LTBP3: variants seen among roughly 807,000 people sequenced by gnomAD.
LTBP3 encodes latent transforming growth factor beta binding protein 3.
Under a neutral mutation model 159.7 loss-of-function variants are expected in LTBP3, and 97 were observed. The observed-to-expected ratio is 0.61, with a 90% CI of 0.52 to 0.72. LTBP3 has a LOEUF of 0.72. LTBP3 is among the 30% of genes least tolerant of loss of function. The pLI is 0.00. For synonymous variants in LTBP3, 824 were observed against 777.1 expected (o/e 1.06, Z -1.00); for missense variants, 1,584 against 1,864.3 (o/e 0.85, Z 2.77).
rs749413835 is a variant in LTBP3 at position 65,546,478 on chromosome 11, C to T, written c.2317G>A (p.Gly773Ser). 2 of 1,592,362 alleles carry T rather than the reference C, an allele frequency of 1.3e-6. No individual in the cohort carries two copies. Among genetic ancestry groups the T allele is most frequent in the Non-Finnish European group, 1.7e-6 (2 of 1,176,566 alleles). Residue 773 changes from glycine to serine, a missense_variant, in exon 16 of 28, where the codon GGC becomes AGC. Physicochemically the swap from Gly to Ser is moderately conservative, Grantham distance 56. This residue lies in a region of LTBP3 where 565 missense variants were observed against 677.7 expected (regional missense o/e 0.83). Coordinates refer to ENST00000301873, the MANE Select transcript of LTBP3 (RefSeq NM_001130144.3). The surrounding 1 kb of genome is among the most constrained non-coding windows in gnomAD (Gnocchi z 4.0). Reference sequence around the variant, plus strand: ...CGGCCGTCGGGCGCGGGCGCGTAGCCCTGGGCACAGGTGCAGCGGAAGGAG... The same window carrying T: ...CGGCCGTCGGGCGCGGGCGCGTAGCTCTGGGCACAGGTGCAGCGGAAGGAG... Reference protein sequence around the residue: ...PGSFRCTCAQGYAPAPDGRSC... With the variant: ...PGSFRCTCAQSYAPAPDGRSC...
intron 1 of LTBP3, among the ~76,000 whole-genome samples, chr11:65,555,081 C>A (rs536091889): frequency 2.0e-5 from 3 of 152,254 alleles, no homozygotes; most frequent in South Asian, 4.1e-4. Context: ...CGGCTCCGTC[C>A]CTCCTGCTCT....
rs1394963360 is a variant in LTBP3 at position 65,551,432 on chromosome 11, C to T, written c.1591G>A (p.Ala531Thr). The T allele has an allele frequency of 6.2e-7, 1 of 1,613,700 alleles. No individual in the cohort carries two copies. Among genetic ancestry groups the T allele is most frequent in the Non-Finnish European group, 8.5e-7 (1 of 1,179,992 alleles). Residue 531 changes from alanine (A) to threonine (T), a missense_variant, in exon 10 of 28, where the codon GCC becomes ACC. This residue lies in a region of LTBP3 where 565 missense variants were observed against 677.7 expected (regional missense o/e 0.83). Transcript: ENST00000301873. ...ERSVQQSHPT[A>T]TTTPARPYPE... ...TAGGGCCGGGCAGGAGTCGTGGTGG[C>T]AGTTGGGTGGCTCTGCTGCACTGAC... is the stretch of plus-strand genomic sequence containing the variant.
Position 65,553,073 on chromosome 11 carries a change from ACCT to A in LTBP3, c.1063+88_1063+90del. On this transcript the variant is annotated intron_variant, in intron 5 of 27. Transcript: ENST00000301873. The surrounding 1 kb of genome is among the most constrained non-coding windows in gnomAD (Gnocchi z 6.5). ...AACCTCAGGGTCTTGCCCCAGCCCCACCTCCTCTCTCGCCCACCTTGGGACCCT... is the reference window on the plus strand; with the variant it reads ...AACCTCAGGGTCTTGCCCCAGCCCCACCTCTCTCGCCCACCTTGGGACCCT... 1 of 1,606,254 alleles carries A rather than the reference ACCT, an allele frequency of 6.2e-7. No homozygotes were observed. Among genetic ancestry groups the A allele is most frequent in the Non-Finnish European group, 8.5e-7 (1 of 1,173,972 alleles).
At chr11:65,543,067 G>A in intron 18 of LTBP3, 38 bp downstream of exon 18, 1 of 1,612,234 alleles carries the variant, frequency 6.2e-7, no homozygotes, top group Non-Finnish European at 8.5e-7. Context: ...ACTGCTCCCT[G>A]CCACATCCCT....
In LTBP3 at chr11:65,554,079, G is replaced by C; in HGVS notation, c.633C>G (p.Pro211=). ...CTGCTGAGATCTGTCCCGGGCCTAG[G>C]GGCACCAGGAAGGCTGCGTGCTGGG... ...PPAQHAAFLV[P]LGPGQISAEV... Residue 211 remains proline (P), a synonymous_variant, in exon 2 of 28, where the codon CCC becomes CCG. Transcript: ENST00000301873. This position sits in a 1 kb window ranked among gnomAD's most constrained non-coding sequence, Gnocchi z 5.3. 1 of 1,606,676 alleles carries C rather than the reference G, an allele frequency of 6.2e-7. No individual in the cohort carries two copies. Among genetic ancestry groups the C allele is most frequent in the Non-Finnish European group, 8.5e-7 (1 of 1,179,458 alleles).
intron 18 of LTBP3, chr11:65,542,755 C>G (rs1856196707): frequency 2.9e-6 from 1 of 348,426 alleles, no homozygotes; most frequent in African/African-American, 2.1e-5. Flanking sequence ...ATGGGGAAGA[C>G]CAATACATTA....
At chr11:65,542,985 G>C in intron 18 of LTBP3, 120 bp downstream of exon 18, 2 of 1,269,572 alleles carry the variant, frequency 1.6e-6, no homozygotes, top group South Asian at 1.2e-5. Context: ...TAGATGGATG[G>C]ATGGATGGAT....
intron 11 of LTBP3, 149 bp downstream of exon 11, chr11:65,550,977 C>G (rs1856587190): frequency 2.1e-5 from 15 of 706,144 alleles, no homozygotes; most frequent in Non-Finnish European, 3.8e-5. Flanking sequence ...GCAGTGGGAT[C>G]TCTGGTGCTC....
In LTBP3 at chr11:65,546,403, G is replaced by C. The variant is rs1335559033; in HGVS notation, c.2353+39C>G. On this transcript the variant is annotated intron_variant, in intron 16 of 27. Coordinates refer to ENST00000301873, the MANE Select transcript of LTBP3 (RefSeq NM_001130144.3). The surrounding 1 kb of genome is among the most constrained non-coding windows in gnomAD (Gnocchi z 4.0). Reference sequence around the variant, plus strand: ...CCCGCTCCCCGGCTTCAGCGCGTAGGGGGCGGCGGAGGCCCGGGGCGGGGG... The same window carrying C: ...CCCGCTCCCCGGCTTCAGCGCGTAGCGGGCGGCGGAGGCCCGGGGCGGGGG... 18 of 1,506,008 alleles carry C rather than the reference G, an allele frequency of 1.2e-5. No individual in the cohort carries two copies. Among genetic ancestry groups the C allele is most frequent in the Non-Finnish European group, 1.4e-5 (16 of 1,133,578 alleles). The allele number at this position is 1,506,008 out of a possible 1,614,324, so 93.3% of individuals were successfully genotyped here.
intron 20 of LTBP3, 29 bp from the exon 21 acceptor site, chr11:65,540,983 GA>G: frequency 6.2e-7 from 1 of 1,606,260 alleles, no homozygotes; most frequent in Non-Finnish European, 8.5e-7. Flanking sequence ...CGTGGGGAGG[GA>G]AGAGGCAGGA....
chr11:65,538,668 T>A lies in LTBP3; in HGVS notation c.*412A>T, dbSNP rs1855868263. ...GCCGGCCCAGCCAGGCCATCTCACG[T>A]GTACATAATCAGAGCCACAATAAAT... is the stretch of plus-strand genomic sequence containing the variant. On this transcript the variant is annotated 3_prime_UTR_variant, in exon 28 of 28. Coordinates refer to ENST00000301873, the MANE Select transcript of LTBP3 (RefSeq NM_001130144.3). 7 of 1,348,196 alleles carry A rather than the reference T, an allele frequency of 5.2e-6. No homozygotes were observed. In the South Asian group the frequency reaches 7.1e-5, roughly 14 times the overall value. 83.5% of individuals were successfully genotyped at this position (1,348,196 alleles called of 1,614,324 possible).
rs1856252917 is a variant in LTBP3, at chr11:65,543,717, G to C, written c.2354-168C>G. ...TGGCACACAGTGCCCTGACGACCAG[G>C]TCAGGTGCTGCCAGGGTCCCTAGGC... On this transcript the variant is annotated intron_variant, in intron 16 of 27. Transcript: ENST00000301873. The C allele has an allele frequency of 4.4e-5, 37 of 835,238 alleles. No individual in the cohort carries two copies. The South Asian group carries it at 4.9e-4, about 11-fold the overall frequency. The allele number at this position is 835,238 out of a possible 1,614,324, so 51.7% of individuals were successfully genotyped here.
Position 65,553,466 on chromosome 11 carries a change from G to C in LTBP3, c.929C>G (p.Ala310Gly), listed in dbSNP as rs916279110. The C allele has an allele frequency of 6.2e-7, 1 of 1,612,566 alleles. No individual in the cohort carries two copies. The highest frequency in any genetic ancestry group is 8.5e-7 in the Non-Finnish European group (1 of 1,179,916). The stretch of plus-strand genomic sequence containing the variant: ...CTTGTGGCACTTGCTCTGGCCCCAG[G>C]CAGTGCCGATGCTACCGCAGCAGTC... ...QEDCCGSIGT[A>G]WGQSKCHKCP... The change falls in exon 4 of 28, where the codon GCC becomes GGC. Residue 310 changes from alanine to glycine, a missense_variant. Ala to Gly is a moderately conservative substitution (Grantham distance 60). Transcript: ENST00000301873. The surrounding 1 kb of genome is among the most constrained non-coding windows in gnomAD (Gnocchi z 6.5).
Position 65,551,201 on chromosome 11 carries a change from G to C in LTBP3, c.1645C>G (p.Pro549Ala), listed in dbSNP as rs145060640. Residue 549 changes from proline (P) to alanine (A), a missense_variant, in exon 11 of 28, where the codon CCG (proline) becomes GCG (alanine). Physicochemically the swap from Pro to Ala is conservative, Grantham distance 27. This residue lies in a region of LTBP3 where 565 missense variants were observed against 677.7 expected (regional missense o/e 0.83). Coordinates refer to ENST00000301873, the MANE Select transcript of LTBP3 (RefSeq NM_001130144.3). ...TCCGGCAGGAACCAGCGCATGGTCG[G>C]GGGCGAGGGACGGGAGATCAGCTCT... Reference protein sequence around the residue: ...YPELISRPSPPTMRWFLPDLP... With the variant: ...YPELISRPSPATMRWFLPDLP... 5.3e-5 allele frequency: 82 copies of C among 1,549,568 alleles called. No homozygotes were observed. The highest frequency in any genetic ancestry group is 7.1e-5 in the Non-Finnish European group (81 of 1,147,766).
chr11:65,552,081 G>T lies in LTBP3; in HGVS notation c.1422C>A (p.Gly474=). The change falls in exon 8 of 28, where the codon GGC becomes GGA. Residue 474 remains glycine, a synonymous_variant. Transcript: ENST00000301873. This position sits in a 1 kb window ranked among gnomAD's most constrained non-coding sequence, Gnocchi z 6.0. ...GCAGGAAAAGGGAAAAGTCACTCTC[G>T]CCCTGAATGGTGAGCGTCTGGTGGG... ...LTSHQTLTIQ[G]ESDFSLFLHP... 1.2e-6 allele frequency: 2 copies of T among 1,614,146 alleles called. No homozygotes were observed. Among genetic ancestry groups the T allele is most frequent in the Non-Finnish European group, 1.7e-6 (2 of 1,180,012 alleles).
Position 65,539,869 on chromosome 11 carries a change from T to A in LTBP3, c.3398A>T (p.Glu1133Val). ...CTGGCTCCAGCACACGTCGCGCCGC[T>A]CCGGGGCACGCTCTGCGGAAGACAC... Reference protein sequence around the residue: ...LPESPAERAPERRDVCWSQRG... With the variant: ...LPESPAERAPVRRDVCWSQRG... Residue 1133 changes from glutamate to valine, a missense_variant, in exon 25 of 28, where the codon GAG (glutamate) becomes GTG (valine). Coordinates refer to ENST00000301873, the MANE Select transcript of LTBP3 (RefSeq NM_001130144.3). 6.6e-6 allele frequency: 10 copies of A among 1,514,714 alleles called. No homozygotes were observed. The highest frequency in any genetic ancestry group is 7.0e-6 in the Non-Finnish European group (8 of 1,138,792). 93.8% of individuals were successfully genotyped at this position (1,514,714 alleles called of 1,614,324 possible).
chr11:65,552,100 T>C lies in LTBP3; in HGVS notation c.1403A>G (p.Gln468Arg), dbSNP rs1856633169. The C allele has an allele frequency of 3.1e-6, 5 of 1,614,098 alleles. No individual in the cohort carries two copies. The highest frequency in any genetic ancestry group is 1.7e-5 in the Admixed American group (1 of 60,016). Residue 468 changes from glutamine to arginine, a missense_variant, in exon 8 of 28, where the codon CAG (glutamine) becomes CGG (arginine). Gln to Arg is a conservative substitution (Grantham distance 43). Around this residue, in one of 6 missense-constraint regions of LTBP3, gnomAD observed 156 missense variants for 259.7 expected, o/e 0.60. Coordinates refer to ENST00000301873, the MANE Select transcript of LTBP3 (RefSeq NM_001130144.3). This position sits in a 1 kb window ranked among gnomAD's most constrained non-coding sequence, Gnocchi z 6.0. ...ACTCTCGCCCTGAATGGTGAGCGTC[T>C]GGTGGGAGGTGAGAATGTGGTATCC... The part of the protein sequence containing the change: ...GKGYHILTSH[Q>R]TLTIQGESDF...
chr11:65,539,215 T>C lies in LTBP3; in HGVS notation c.3777A>G (p.Arg1259=). 6.6e-7 allele frequency: 1 copy of C among 1,526,656 alleles called. No individual in the cohort carries two copies. The highest frequency in any genetic ancestry group is 8.8e-7 in the Non-Finnish European group (1 of 1,133,080). 94.6% of individuals were successfully genotyped at this position (1,526,656 alleles called of 1,614,324 possible). ...ACAGCAGCCCGCGCTGGTTCAGCTC[T>C]CGGCACTCGTCGATATCTGAAGGTG... The part of the protein sequence containing the change: ...RARCVDIDEC[R]ELNQRGLLCK... The change falls in exon 28 of 28, where the codon CGA becomes CGG. Residue 1259 remains arginine (R), a synonymous_variant. Coordinates refer to ENST00000301873, the MANE Select transcript of LTBP3 (RefSeq NM_001130144.3).
intron 11 of LTBP3, among the ~76,000 whole-genome samples, chr11:65,549,567 C>CTTTT (rs748132211): frequency 4.0e-4 from 26 of 64,722 alleles, no homozygotes; most frequent in South Asian, 7.1e-4. Context: ...CCCAGCTAAT[C>CTTTT]TTTTTTTTTT....
Sources: gnomAD v4.1 joint callset for allele counts (sites outside exome capture counted in the v4.1 genomes callset) on GRCh38, gnomAD v4.1.1 for gene constraint, gnomAD v4.1.1 regional missense constraint, Gnocchi (gnomAD v3.1) non-coding constraint, MANE v1.5 for transcripts, NCBI Gene and HGNC (gene_info 2026-07-23, HGNC 2026-07-21) for gene names.